The following BLTP1 variants were observed in gnomAD, a reference collection of about 807,000 sequenced individuals.
The protein encoded by BLTP1 is bridge-like lipid transfer protein family member 1.
At chr4:122,234,148 G>A in the BLTP1 span, 67 of 244,166 alleles carry the variant, frequency 2.7e-4, no homozygotes, top group African/African-American at 1.5e-3. Flanking sequence ...AATACTGACA[G>A]ATCTATGAGT....
At chr4:122,273,670 C>T in the BLTP1 span, among the ~76,000 whole-genome samples, 1 of 151,956 alleles carries the variant, frequency 6.6e-6, no homozygotes, top group Non-Finnish European at 1.5e-5. Flanking sequence ...GCACATTTAT[C>T]TTTTGACTCA....
the BLTP1 span, among the ~76,000 whole-genome samples, chr4:122,339,858 A>G: frequency 3.8e-3 from 585 of 152,318 alleles, 8 homozygotes; most frequent in African/African-American, 0.013. Context: ...GCAGTAGCAT[A>G]TGTATTTTTA....
At chr4:122,174,286 TTAATGGCAGTGCA>T in the BLTP1 span, 1 of 985,212 alleles carries the variant, frequency 1.0e-6, no homozygotes, top group Non-Finnish European at 1.2e-6. Context: ...TTGGGTTTAT[TTAATGGCAGTGCA>T]TAATTAAGGG....
chr4:122,356,905 A>G, the BLTP1 span: 1 of 1,434,570 alleles, frequency 7.0e-7, no homozygotes, highest in African/African-American at 1.4e-5. Flanking sequence ...AGACTATCAC[A>G]GACTTTCTGA....
At chr4:122,187,508 G>A in the BLTP1 span, 35 of 1,610,900 alleles carry the variant, frequency 2.2e-5, no homozygotes, top group Non-Finnish European at 3.0e-5. Context: ...GTCAATGTGA[G>A]CACAGTAAGT....
the BLTP1 span, chr4:122,352,809 AGAC>A: frequency 6.8e-7 from 1 of 1,470,490 alleles, no homozygotes; most frequent in Middle Eastern, 1.8e-4. Flanking sequence ...CCCTCACCTG[AGAC>A]TGTAGAAAGT....
At chr4:122,225,326 A>G in the BLTP1 span, 2 of 152,428 alleles carry the variant, frequency 1.3e-5, no homozygotes, top group Non-Finnish European at 2.9e-5. Flanking sequence ...AAAAGCCTTA[A>G]TGTATTATTT....
At chr4:122,325,321 G>C in the BLTP1 span, 3 of 1,602,078 alleles carry the variant, frequency 1.9e-6, no homozygotes, top group Non-Finnish European at 2.6e-6. Context: ...CCAGGATACA[G>C]TAAGAGATAT....
chr4:122,270,252 A>G, the BLTP1 span: 110 of 461,326 alleles, frequency 2.4e-4, no homozygotes, highest in Non-Finnish European at 2.6e-4. Context: ...TTAAATGCAA[A>G]ATATCAAAGC....
At chr4:122,347,108 A>G in the BLTP1 span, 19 of 983,344 alleles carry the variant, frequency 1.9e-5, no homozygotes, top group South Asian at 8.0e-4. Flanking sequence ...TAAATATCCA[A>G]GTTAATCATG....
chr4:122,172,044 C>T, the BLTP1 span: 1 of 613,678 alleles, frequency 1.6e-6, no homozygotes, highest in Non-Finnish European at 2.0e-6. Flanking sequence ...GATATAATGG[C>T]ATATCATCAA....
the BLTP1 span, chr4:122,182,856 A>G: frequency 3.0e-6 from 3 of 984,930 alleles, no homozygotes; most frequent in Non-Finnish European, 3.6e-6. Context: ...CCAGCTTAAC[A>G]CAATGATTAA....
chr4:122,281,638 A>C, the BLTP1 span: 5 of 1,613,470 alleles, frequency 3.1e-6, no homozygotes, highest in African/African-American at 6.7e-5. Context: ...TTCCTCAGCT[A>C]CCAGAAGGCT....
the BLTP1 span, chr4:122,344,003 C>A: frequency 1.0e-6 from 1 of 965,916 alleles, no homozygotes; most frequent in Non-Finnish European, 1.2e-6. Flanking sequence ...TAATTTAAGT[C>A]AGCCATTTCG....
chr4:122,238,519 T>TCATA, the BLTP1 span, among the ~76,000 whole-genome samples: 5 of 152,218 alleles, frequency 3.3e-5, no homozygotes, highest in Non-Finnish European at 7.3e-5. Flanking sequence ...ATTATAAAAG[T>TCATA]CATACATACA....
chr4:122,209,967 T>A, the BLTP1 span: 2 of 1,589,266 alleles, frequency 1.3e-6, no homozygotes, highest in Non-Finnish European at 1.7e-6. Context: ...CAGCTGCTAT[T>A]ATGATTGATA....
At chr4:122,356,544 A>G in the BLTP1 span, 1 of 1,458,264 alleles carries the variant, frequency 6.9e-7, no homozygotes, top group South Asian at 1.3e-5. Flanking sequence ...ATGTGGATGC[A>G]TTTACATAGA....
the BLTP1 span, chr4:122,215,546 G>T: frequency 1.0e-6 from 1 of 985,362 alleles, no homozygotes; most frequent in Non-Finnish European, 1.2e-6. Context: ...AAGTATCAAA[G>T]GAGTTTTTCC....
the BLTP1 span, chr4:122,324,562 C>A: frequency 6.4e-7 from 1 of 1,557,050 alleles, no homozygotes; most frequent in Non-Finnish European, 8.7e-7. Context: ...GCCATTGAAA[C>A]AAGTAATAAA....
Sources: allele counts gnomAD v4.1 joint callset (sites outside exome capture counted in the v4.1 genomes callset), GRCh38; gene constraint gnomAD v4.1.1; transcripts MANE v1.5; gene names NCBI Gene and HGNC (gene_info 2026-07-23, HGNC 2026-07-21).